TMC3: variants seen among roughly 807,000 people sequenced by gnomAD.
The protein encoded by TMC3 is transmembrane channel like 3, also known as transmembrane channel-like protein 3.
A neutral mutation model predicts 110.6 loss-of-function variants in TMC3; 98 were observed. The ratio of observed to expected loss-of-function variants is 0.89; its 90% CI spans 0.75 to 1.05. The LOEUF (loss-of-function observed/expected upper bound fraction) is 1.05, where lower values mean the gene tolerates loss of function less well. Ranked by LOEUF, TMC3 falls within the 50% of genes least tolerant of loss-of-function variation. The pLI is 0.00. For synonymous variants in TMC3, 489 were observed against 513.1 expected (o/e 0.95, Z 0.63); for missense variants, 1,319 against 1,373.2 (o/e 0.96, Z 0.62).
chr15:81,367,258 G>A (rs1894335573), intron 3 of TMC3, among the ~76,000 whole-genome samples: 1 of 152,152 alleles, frequency 6.6e-6, no homozygotes, highest in Admixed American at 6.5e-5. Flanking sequence ...CACAGTCATT[G>A]AAAACCATTA....
intron 8 of TMC3, among the ~76,000 whole-genome samples, chr15:81,356,094 G>C (rs1894054541): frequency 6.6e-6 from 1 of 152,066 alleles, no homozygotes; most frequent in Non-Finnish European, 1.5e-5. Context: ...TATTTTCTAA[G>C]TTAAAAGTAA....
intron 15 of TMC3, 51 bp downstream of exon 15, chr15:81,343,227 C>T: frequency 8.4e-7 from 1 of 1,189,248 alleles, no homozygotes. Context: ...AAATTAAAAT[C>T]TTAGCCCAGA....
At chr15:81,345,376 A>C (rs1380828123) in intron 12 of TMC3, among the ~76,000 whole-genome samples, 1 of 152,214 alleles carries the variant, frequency 6.6e-6, no homozygotes, top group African/African-American at 2.4e-5. Context: ...GCTGCTAGTA[A>C]GTGTCAGGTA....
intron 3 of TMC3, among the ~76,000 whole-genome samples, chr15:81,367,147 G>A (rs530840297): frequency 5.9e-5 from 9 of 152,156 alleles, no homozygotes; most frequent in East Asian, 5.8e-4. Flanking sequence ...GATGTTCTTC[G>A]TAGGGCTATT....
intron 16 of TMC3, among the ~76,000 whole-genome samples, chr15:81,340,001 C>T (rs1893678648): frequency 6.6e-6 from 1 of 152,216 alleles, no homozygotes; most frequent in Non-Finnish European, 1.5e-5. Flanking sequence ...ATCCACTCCG[C>T]ATGTGGCTGC....
At chr15:81,350,928 A>G (rs1893933407) in intron 10 of TMC3, among the ~76,000 whole-genome samples, 1 of 152,224 alleles carries the variant, frequency 6.6e-6, no homozygotes, top group Non-Finnish European at 1.5e-5. Context: ...AAAACAAACC[A>G]TTTGTGTAGA....
intron 2 of TMC3, among the ~76,000 whole-genome samples, chr15:81,368,607 T>A (rs1894368705): frequency 6.6e-6 from 1 of 152,160 alleles, no homozygotes; most frequent in African/African-American, 2.4e-5. Flanking sequence ...TTAAAGGCCT[T>A]CCCTGATTCT....
chr15:81,371,534 G>T (rs1218963623), intron 2 of TMC3, among the ~76,000 whole-genome samples: 1 of 152,186 alleles, frequency 6.6e-6, no homozygotes, highest in Non-Finnish European at 1.5e-5. Context: ...TTGCCAGGAA[G>T]CTCCACAGCA....
At position 81,358,304 on chromosome 15, in the gene TMC3, C is replaced by A; in HGVS notation, c.601-13G>T. On this transcript the variant is annotated splice_polypyrimidine_tract_variant and intron_variant, in intron 6 of 21. Coordinates refer to ENST00000359440, the MANE Select transcript of TMC3 (RefSeq NM_001080532.3). ...ACTGGAGGTAGCCCTGCAAAGAAAA[C>A]ACTCAGTGTCATTTCTGCTTCCCGT... The A allele has an allele frequency of 6.2e-7, 1 of 1,600,340 alleles. No homozygotes were observed. Among genetic ancestry groups the A allele is most frequent in the South Asian group, 1.1e-5 (1 of 89,218 alleles).
At chr15:81,350,605 T>A (rs1249636518) in intron 10 of TMC3, among the ~76,000 whole-genome samples, 1 of 152,204 alleles carries the variant, frequency 6.6e-6, no homozygotes, top group African/African-American at 2.4e-5. Context: ...AAAGATTATC[T>A]AGGGTGGGCT....
chr15:81,358,076 A>AGCTGT (rs774844794), intron 7 of TMC3, 73 bp downstream of exon 7: 36 of 1,441,192 alleles, frequency 2.5e-5, no homozygotes, highest in Non-Finnish European at 3.2e-5. Context: ...AGAATGATGA[A>AGCTGT]GCTGTAAGAA....
At chr15:81,337,295 G>A (rs972308761) in intron 19 of TMC3, among the ~76,000 whole-genome samples, 2 of 152,138 alleles carry the variant, frequency 1.3e-5, no homozygotes, top group African/African-American at 4.8e-5. Flanking sequence ...AGGGCACTAA[G>A]GGAACACCTG....
chr15:81,344,842 G>T lies in TMC3; in HGVS notation c.1442C>A (p.Pro481His). Reference sequence around the variant, plus strand: ...GCTAGTCTTGTTGGCCTTTATAAGAGGCATGGTATAAGCTGAAATGCTGGT... The same window carrying T: ...GCTAGTCTTGTTGGCCTTTATAAGATGCATGGTATAAGCTGAAATGCTGGT... ...EETSISAYTMPLIKANKTSLH... is the reference protein window; with the variant it reads ...EETSISAYTMHLIKANKTSLH... The change falls in exon 13 of 22, where the codon CCT (proline) becomes CAT (histidine). Residue 481 changes from proline to histidine, a missense_variant. By Grantham distance (77) the Pro-to-His change is moderately conservative (BLOSUM62 -2). Coordinates refer to ENST00000359440, the MANE Select transcript of TMC3 (RefSeq NM_001080532.3). The T allele has an allele frequency of 6.2e-7, 1 of 1,613,900 alleles. No individual in the cohort carries two copies. Among genetic ancestry groups the T allele is most frequent in the Non-Finnish European group, 8.5e-7 (1 of 1,179,854 alleles).
chr15:81,350,758 G>C (rs1893929577), intron 10 of TMC3, among the ~76,000 whole-genome samples: 1 of 152,138 alleles, frequency 6.6e-6, no homozygotes, highest in African/African-American at 2.4e-5. Context: ...TGCTATTTCT[G>C]CCTTTCAAAT....
Position 81,334,765 on chromosome 15 carries a change from G to C in TMC3, c.2414C>G (p.Pro805Arg). ...PRPGDRAPSS[P>R]LPGVPKSRLE... Reference sequence around the variant, plus strand: ...CCTGGATTTGGGGACCCCAGGGAGAGGTGAGCTAGGAGCCCTGTCCCCTGG... The same window carrying C: ...CCTGGATTTGGGGACCCCAGGGAGACGTGAGCTAGGAGCCCTGTCCCCTGG... The change falls in exon 21 of 22, where the codon CCT becomes CGT. Residue 805 changes from proline to arginine, a missense_variant. By Grantham distance (103) the Pro-to-Arg change is moderately radical. Transcript: ENST00000359440. The C allele has an allele frequency of 6.2e-7, 1 of 1,614,028 alleles. No individual in the cohort carries two copies. Among genetic ancestry groups the C allele is most frequent in the Non-Finnish European group, 8.5e-7 (1 of 1,179,890 alleles).
intron 12 of TMC3, among the ~76,000 whole-genome samples, chr15:81,345,863 C>T (rs1417914465): frequency 5.3e-5 from 8 of 151,322 alleles, no homozygotes; most frequent in South Asian, 4.2e-4. Context: ...GGCAACAAAG[C>T]GAGACCCTGT....
rs1205797524 is a variant in TMC3, at chr15:81,356,463, A to G, written c.875T>C (p.Ile292Thr). ...PEAAESKTAA[I>T]VNSIREAILE... is the part of the protein sequence containing the mutation. ...CTCACTCACCCTGATGCTGTTCACT[A>G]TGGCAGCTGTTTTGCTCTCTGCAGC... The change falls in exon 8 of 22, where the codon ATA (isoleucine) becomes ACA (threonine). Residue 292 changes from isoleucine (I) to threonine (T), a missense_variant. Physicochemically the swap from Ile to Thr is moderately conservative, Grantham distance 89 (BLOSUM62 -1). Transcript: ENST00000359440. 1 of 1,568,104 alleles carries G rather than the reference A, an allele frequency of 6.4e-7. No homozygotes were observed. Among genetic ancestry groups the G allele is most frequent in the Non-Finnish European group, 8.6e-7 (1 of 1,156,284 alleles).
chr15:81,337,837 A>T lies in TMC3; in HGVS notation c.2160+9T>A. On this transcript the variant is annotated intron_variant, in intron 19 of 21. Transcript: ENST00000359440. ...ATATTCATAATAGCAAAGTTCATGA[A>T]ATACTTGCGTTTTGGATCTGCATTT... is the stretch of plus-strand genomic sequence containing the variant. 1.2e-6 allele frequency: 2 copies of T among 1,611,358 alleles called. No homozygotes were observed. Among genetic ancestry groups the T allele is most frequent in the Non-Finnish European group, 1.7e-6 (2 of 1,177,458 alleles).
At chr15:81,343,028 CT>C in intron 15 of TMC3, 1 of 438,764 alleles carries the variant, frequency 2.3e-6, no homozygotes, top group South Asian at 3.6e-5. Flanking sequence ...CTACTGGTTT[CT>C]GTGCAGATTT....
Sources: allele counts gnomAD v4.1 joint callset (sites outside exome capture counted in the v4.1 genomes callset), GRCh38; gene constraint gnomAD v4.1.1; transcripts MANE v1.5; gene names NCBI Gene and HGNC (gene_info 2026-07-23, HGNC 2026-07-21).